The following SHB variants were observed in gnomAD, a reference collection of about 807,000 sequenced individuals.
SHB encodes SH2 domain-containing adapter protein B.
A neutral mutation model predicts 52.3 loss-of-function variants in SHB; 20 were observed. The ratio of observed to expected loss-of-function variants is 0.38; its 90% CI spans 0.27 to 0.56. SHB has a LOEUF of 0.56. Ranked by LOEUF, SHB falls within the 20% of genes least tolerant of loss-of-function variation. SHB has a pLI of 0.71. For synonymous variants in SHB, 397 were observed against 316.5 expected, an observed-to-expected ratio of 1.25 and a Z score of -2.70; for missense variants, 825 against 723.3, an observed-to-expected ratio of 1.14 and a Z score of -1.61.
At chr9:38,001,759 A>G (rs879574263) in intron 2 of SHB, among the ~76,000 whole-genome samples, 2 of 152,234 alleles carry the variant, frequency 1.3e-5, no homozygotes, top group Non-Finnish European at 2.9e-5. Flanking sequence ...TTGCTGGCAG[A>G]AAGGTTCTCT....
intron 3 of SHB, among the ~76,000 whole-genome samples, chr9:37,958,571 T>A (rs1408019579): frequency 1.3e-5 from 2 of 152,156 alleles, no homozygotes. Flanking sequence ...TGCCCTTCCT[T>A]CTGGCCACAG....
chr9:37,961,415 A>G (rs1331126862), intron 3 of SHB, among the ~76,000 whole-genome samples: 1 of 152,134 alleles, frequency 6.6e-6, no homozygotes, highest in East Asian at 1.9e-4. Context: ...AACTCCAAAA[A>G]GCCGATGGAC....
chr9:37,934,937 T>C (rs1832351765), intron 5 of SHB, among the ~76,000 whole-genome samples: 1 of 152,208 alleles, frequency 6.6e-6, no homozygotes, highest in African/African-American at 2.4e-5. Context: ...AGTAATTGAG[T>C]TCCACAAAGT....
chr9:38,026,519 C>T (rs1440764062), intron 1 of SHB, among the ~76,000 whole-genome samples: 1 of 152,270 alleles, frequency 6.6e-6, no homozygotes, highest in Non-Finnish European at 1.5e-5. Flanking sequence ...TAAACAGCTG[C>T]TCTCCCCAAG....
chr9:37,958,280 G>A (rs924343881), intron 3 of SHB, among the ~76,000 whole-genome samples: 3 of 152,210 alleles, frequency 2.0e-5, no homozygotes, highest in East Asian at 3.9e-4. Flanking sequence ...GGCAGGACTC[G>A]CCTGTGCATG....
chr9:38,031,378 C>T (rs181671106), intron 1 of SHB, among the ~76,000 whole-genome samples: 185 of 152,228 alleles, frequency 1.2e-3, no homozygotes, highest in African/African-American at 4.1e-3. Flanking sequence ...AACAATTTAA[C>T]AGTAAAAAGG....
chr9:37,967,471 G>A (rs929239765), intron 3 of SHB, among the ~76,000 whole-genome samples: 1 of 152,142 alleles, frequency 6.6e-6, no homozygotes, highest in Non-Finnish European at 1.5e-5. Flanking sequence ...AGCTATTTCC[G>A]AATAAACCAA....
chr9:38,035,115 G>A (rs1332110889), intron 1 of SHB, among the ~76,000 whole-genome samples: 4 of 152,012 alleles, frequency 2.6e-5, no homozygotes, highest in Admixed American at 2.6e-4. Context: ...AAGATTCAGG[G>A]GTATCTGTTG....
intron 2 of SHB, among the ~76,000 whole-genome samples, chr9:37,980,203 T>C (rs935720710): frequency 3.3e-5 from 5 of 152,250 alleles, no homozygotes; most frequent in African/African-American, 9.6e-5. Flanking sequence ...GGCTGTTTTA[T>C]AACATTTTAC....
At chr9:37,987,610 T>C (rs1477765249) in intron 2 of SHB, among the ~76,000 whole-genome samples, 6 of 152,206 alleles carry the variant, frequency 3.9e-5, no homozygotes, top group African/African-American at 1.4e-4. Flanking sequence ...CCTCTGGCTG[T>C]CAGTTGGTCA....
At chr9:37,976,677 T>G (rs948929783) in intron 2 of SHB, among the ~76,000 whole-genome samples, 1 of 152,212 alleles carries the variant, frequency 6.6e-6, no homozygotes, top group Non-Finnish European at 1.5e-5. Flanking sequence ...ACCGTCCATG[T>G]TGGCTGGAGT....
chr9:38,015,373 C>T, intron 2 of SHB: 6 of 702,124 alleles, frequency 8.5e-6, no homozygotes, highest in Admixed American at 2.0e-5. Flanking sequence ...ATGCTGCATA[C>T]CCAGCCACAT....
intron 2 of SHB, among the ~76,000 whole-genome samples, chr9:38,010,943 A>C (rs933394808): frequency 1.3e-5 from 2 of 152,216 alleles, no homozygotes; most frequent in African/African-American, 4.8e-5. Context: ...AGGAAGGACA[A>C]ACAGGCCCTC....
At chr9:38,039,177 T>A (rs1449811211) in intron 1 of SHB, among the ~76,000 whole-genome samples, 12 of 152,230 alleles carry the variant, frequency 7.9e-5, no homozygotes, top group Admixed American at 7.2e-4. Context: ...TAAAGTGCCC[T>A]GTCAGATACT....
chr9:38,046,296 G>C (rs1460961123), intron 1 of SHB, among the ~76,000 whole-genome samples: 2 of 152,242 alleles, frequency 1.3e-5, no homozygotes, highest in Non-Finnish European at 2.9e-5. Flanking sequence ...TATATTGTCT[G>C]TGGCTCCCTG....
chr9:38,045,949 G>C (rs534457807), intron 1 of SHB, among the ~76,000 whole-genome samples: 6 of 152,126 alleles, frequency 3.9e-5, no homozygotes, highest in African/African-American at 1.4e-4. Context: ...AGAGGCACCA[G>C]GCACAGGTGG....
At chr9:37,976,639 G>A (rs181928446) in intron 2 of SHB, among the ~76,000 whole-genome samples, 1 of 152,238 alleles carries the variant, frequency 6.6e-6, no homozygotes, top group Admixed American at 6.5e-5. Flanking sequence ...TCCTTTTTCA[G>A]GCTAATATTC....
chr9:37,980,825 A>C (rs1320337327), intron 2 of SHB, among the ~76,000 whole-genome samples: 1 of 152,236 alleles, frequency 6.6e-6, no homozygotes, highest in East Asian at 1.9e-4. Context: ...CTCCTCGTAC[A>C]TCCCCAGCTG....
At chr9:37,961,051 G>A (rs998114749) in intron 3 of SHB, among the ~76,000 whole-genome samples, 3 of 152,262 alleles carry the variant, frequency 2.0e-5, no homozygotes, top group Admixed American at 2.0e-4. Context: ...TGGAATTACT[G>A]CCCTTCTGCT....
Sources: allele counts gnomAD v4.1 joint callset (sites outside exome capture counted in the v4.1 genomes callset), GRCh38; gene constraint gnomAD v4.1.1; transcripts MANE v1.5; gene names NCBI Gene and HGNC (gene_info 2026-07-23, HGNC 2026-07-21).